CNOT10: variants seen among roughly 807,000 people sequenced by gnomAD.
CNOT10 encodes CCR4-NOT transcription complex subunit 10.
In CNOT10, 30 loss-of-function variants were observed where a neutral mutation model predicts 94.6. The observed-to-expected ratio is 0.32, with a 90% CI of 0.24 to 0.43. CNOT10 has a LOEUF of 0.43. Among genes scored for constraint, CNOT10 ranks in the 20% least tolerant of loss-of-function variants. CNOT10 has a pLI of 1.00. For missense variants in CNOT10, 759 were observed against 877.2 expected (o/e 0.87, Z 1.70); for synonymous variants, 289 against 301.6 (o/e 0.96, Z 0.43).
At chr3:32,727,240 A>T (rs1028143066) in intron 9 of CNOT10, among the ~76,000 whole-genome samples, 1 of 152,110 alleles carries the variant, frequency 6.6e-6, no homozygotes, top group Non-Finnish European at 1.5e-5. Context: ...GGGGAGGCCA[A>T]GGTGGATCAC....
chr3:32,753,402 T>C (rs902231031), intron 13 of CNOT10: 3 of 1,432,202 alleles, frequency 2.1e-6, no homozygotes, highest in African/African-American at 2.8e-5. Context: ...ATGATGTAAA[T>C]GTGGAATTTT....
intron 4 of CNOT10, among the ~76,000 whole-genome samples, chr3:32,711,011 C>T (rs533092929): frequency 6.6e-6 from 1 of 152,318 alleles, no homozygotes; most frequent in South Asian, 2.1e-4. Context: ...AACCACCATG[C>T]CTAGCCAGTA....
intron 13 of CNOT10, among the ~76,000 whole-genome samples, chr3:32,746,893 G>A (rs1420434790): frequency 6.8e-6 from 1 of 147,550 alleles, no homozygotes; most frequent in Non-Finnish European, 1.5e-5. Flanking sequence ...TGCTGCTGCT[G>A]ATCTGACAGG....
intron 12 of CNOT10, among the ~76,000 whole-genome samples, chr3:32,736,333 C>T (rs1294381290): frequency 1.3e-5 from 2 of 152,110 alleles, no homozygotes; most frequent in African/African-American, 4.8e-5. Flanking sequence ...GTGATCCTCC[C>T]TCCTCGGCCT....
intron 8 of CNOT10, among the ~76,000 whole-genome samples, chr3:32,724,635 A>G (rs1014583003): frequency 1.3e-5 from 2 of 152,082 alleles, no homozygotes; most frequent in Admixed American, 1.3e-4. Flanking sequence ...GATGGTCTCC[A>G]TCTCCTGACC....
intron 13 of CNOT10, chr3:32,753,644 C>T: frequency 6.4e-7 from 1 of 1,571,962 alleles, no homozygotes; most frequent in Non-Finnish European, 8.7e-7. Flanking sequence ...CATCCATCAT[C>T]ATCTCCTTAT....
intron 9 of CNOT10, among the ~76,000 whole-genome samples, chr3:32,726,281 A>C (rs371461464): frequency 5.9e-5 from 9 of 152,184 alleles, no homozygotes; most frequent in African/African-American, 2.2e-4. Context: ...ATGTGATACT[A>C]CTGGCAGCAT....
chr3:32,753,608 A>T, intron 13 of CNOT10: 1 of 1,580,576 alleles, frequency 6.3e-7, no homozygotes, highest in Non-Finnish European at 8.7e-7. Flanking sequence ...ACACCAAAAC[A>T]ATTCATAGCA....
chr3:32,716,053 C>G, intron 5 of CNOT10, 172 bp from the exon 6 acceptor site: 1 of 444,788 alleles, frequency 2.2e-6, no homozygotes, highest in Non-Finnish European at 4.1e-6. Context: ...GCGATCCGCC[C>G]GCCTCTGCCT....
At chr3:32,711,511 A>G (rs1306621789) in intron 4 of CNOT10, among the ~76,000 whole-genome samples, 1 of 152,106 alleles carries the variant, frequency 6.6e-6, no homozygotes, top group Non-Finnish European at 1.5e-5. Context: ...TGCAGGTCAG[A>G]TACAGGGGGC....
At chr3:32,727,638 G>T in intron 9 of CNOT10, 30 bp from the exon 10 acceptor site, 3 of 1,358,176 alleles carry the variant, frequency 2.2e-6, no homozygotes, top group Non-Finnish European at 3.2e-6. Context: ...TAAATCTAAT[G>T]ATGTATTCTT....
rs545983923 is a variant in CNOT10 at position 32,752,438 on chromosome 3, A to C, written c.1596-7020A>C. Among the ~76,000 whole-genome samples, 246 of 152,300 alleles carry C rather than the reference A, an allele frequency of 1.6e-3. 1 individual carries two copies. The highest frequency in any genetic ancestry group is 5.7e-3 in the African/African-American group (239 of 41,570). Reference sequence around the variant, plus strand: ...TTTAGGTGATCTTAAGATCCCGTCCATGTGTAAAATGCTAAGTCTCTGTGA... The same window carrying C: ...TTTAGGTGATCTTAAGATCCCGTCCCTGTGTAAAATGCTAAGTCTCTGTGA... On this transcript the variant is annotated intron_variant, in intron 13 of 18. Transcript: ENST00000328834.
chr3:32,716,809 C>T (rs186355474), intron 6 of CNOT10, among the ~76,000 whole-genome samples: 181 of 152,132 alleles, frequency 1.2e-3, no homozygotes, highest in Non-Finnish European at 1.1e-3. Context: ...TCACCACACC[C>T]GGATAATTTT....
At chr3:32,690,751 G>T (rs372154112) in intron 1 of CNOT10, among the ~76,000 whole-genome samples, 2,939 of 152,106 alleles carry the variant, frequency 0.019, 42 homozygotes, top group East Asian at 0.047. Context: ...GTTTCACCAT[G>T]TTGGCCAGGC....
At chr3:32,742,352 G>A (rs761056520) in intron 13 of CNOT10, among the ~76,000 whole-genome samples, 1 of 151,736 alleles carries the variant, frequency 6.6e-6, no homozygotes, top group Non-Finnish European at 1.5e-5. Context: ...TTTTCATGTG[G>A]TATAGCTTTT....
intron 13 of CNOT10, among the ~76,000 whole-genome samples, chr3:32,746,558 C>T: frequency 6.6e-6 from 1 of 151,908 alleles, no homozygotes; most frequent in Non-Finnish European, 1.5e-5. Context: ...GCACTCCTGC[C>T]GGGTGCAGTG....
At chr3:32,763,080 GT>G (rs1051014731) in intron 15 of CNOT10, among the ~76,000 whole-genome samples, 95 of 152,302 alleles carry the variant, frequency 6.2e-4, no homozygotes, top group African/African-American at 2.3e-3. Flanking sequence ...TGAAAGGCTG[GT>G]ACTGTTAGAA....
chr3:32,700,082 T>G (rs1232148036), intron 1 of CNOT10, among the ~76,000 whole-genome samples: 2 of 151,710 alleles, frequency 1.3e-5, no homozygotes, highest in Non-Finnish European at 2.9e-5. Context: ...TTCAAGTGAT[T>G]CTTCTGCTCC....
chr3:32,737,188 G>A lies in CNOT10; in HGVS notation c.1515-222G>A, dbSNP rs190702758. ...AAATTAGCTGGGCGTGGTGGTGTGC[G>A]CCTGTAATCCCAGCTACTTGGGAGG... On this transcript the variant is annotated intron_variant, in intron 12 of 18. Transcript: ENST00000328834. 4.7e-3 allele frequency among the ~76,000 whole-genome samples: 711 copies of A among 151,934 alleles called. 8 individuals carry two copies. Among genetic ancestry groups the A allele is most frequent in the African/African-American group, 0.016 (673 of 41,450 alleles).
Sources: allele counts gnomAD v4.1 joint callset (sites outside exome capture counted in the v4.1 genomes callset), GRCh38; gene constraint gnomAD v4.1.1; transcripts MANE v1.5; gene names NCBI Gene and HGNC (gene_info 2026-07-23, HGNC 2026-07-21).